The following PRR12 variants were observed in gnomAD, a reference collection of about 807,000 sequenced individuals.
PRR12 encodes proline-rich protein 12.
A neutral mutation model predicts 138.0 loss-of-function variants in PRR12; 12 were observed. That is an observed-to-expected ratio of 0.09 (90% CI 0.06 to 0.14). The LOEUF is 0.14. Ranked by LOEUF, PRR12 falls within the 10% of genes least tolerant of loss-of-function variation. The pLI is 1.00. For missense variants in PRR12, 2,692 were observed against 2,861.3 expected (o/e 0.94, Z 1.35); for synonymous variants, 1,567 against 1,291.7 (o/e 1.21, Z -4.57).
chr19:49,601,434 G>A, intron 5 of PRR12, 57 bp from the exon 6 acceptor site: 1 of 969,986 alleles, frequency 1.0e-6, no homozygotes, highest in Non-Finnish European at 1.5e-6. Context: ...AAGGACAAGA[G>A]GAAAGGTGCC....
Position 49,594,321 on chromosome 19 carries a change from T to C in PRR12, c.200-133T>C. On this transcript the variant is annotated intron_variant, in intron 2 of 13. Transcript: ENST00000418929. This position sits in a 1 kb window ranked among gnomAD's most constrained non-coding sequence, Gnocchi z 5.6. The stretch of plus-strand genomic sequence containing the variant: ...CATTAGCTTGGTTCTATCCATCTTG[T>C]TTTTGAATTTGCCCTTTTCTCTCCC... The C allele has an allele frequency of 1.3e-6, 1 of 776,798 alleles. No homozygotes were observed. Among genetic ancestry groups the C allele is most frequent in the Non-Finnish European group, 2.0e-6 (1 of 499,160 alleles). The allele number at this position is 776,798 out of a possible 1,614,324, so 48.1% of individuals were successfully genotyped here. A position where few individuals can be genotyped will look rare whatever the true frequency, so the allele number is the denominator to read the frequency against.
Position 49,625,216 on chromosome 19 carries a change from A to T in PRR12, c.5964+16A>T, listed in dbSNP as rs376653804. The T allele has an allele frequency of 2.7e-5, 44 of 1,607,528 alleles. No homozygotes were observed. The African/African-American group carries it at 5.5e-4, about 20-fold the overall frequency. On this transcript the variant is annotated intron_variant, in intron 13 of 13. Transcript: ENST00000418929. The surrounding 1 kb of genome is among the most constrained non-coding windows in gnomAD (Gnocchi z 5.5). The stretch of plus-strand genomic sequence containing the variant: ...CCGGGACCAGGTGAGCCCCACCCAC[A>T]GCACCCATCGCCCTGGGATTCCAAC...
At chr19:49,592,895 C>T (rs984366653) in intron 1 of PRR12, among the ~76,000 whole-genome samples, 1 of 150,188 alleles carries the variant, frequency 6.7e-6, no homozygotes, top group Non-Finnish European at 1.5e-5. Flanking sequence ...TATGTGTTCC[C>T]GTGTGTCTAC....
At chr19:49,612,102 G>A (rs2122347389) in intron 6 of PRR12, among the ~76,000 whole-genome samples, 1 of 151,830 alleles carries the variant, frequency 6.6e-6, no homozygotes, top group South Asian at 2.1e-4. Context: ...GTGGTGGCAT[G>A]TGCCTCTAGT....
At position 49,596,173 on chromosome 19, in the gene PRR12, G is replaced by T; in HGVS notation, c.1838G>T (p.Gly613Val). ...PGAGSYAAGA[G>V]GYKGKGDGSE... ...GCTGGCAGCTATGCAGCCGGAGCAG[G>T]TGGCTACAAGGGCAAGGGGGATGGC... is the stretch of plus-strand genomic sequence containing the variant. Residue 613 changes from glycine (G) to valine (V), a missense_variant, in exon 4 of 14, where the codon GGT becomes GTT. By Grantham distance (109) the Gly-to-Val change is moderately radical. Coordinates refer to ENST00000418929, the MANE Select transcript of PRR12 (RefSeq NM_020719.3). This position sits in a 1 kb window ranked among gnomAD's most constrained non-coding sequence, Gnocchi z 5.6. 6.2e-7 allele frequency: 1 copy of T among 1,609,548 alleles called. No individual in the cohort carries two copies. The highest frequency in any genetic ancestry group is 8.5e-7 in the Non-Finnish European group (1 of 1,179,782).
rs1008803804 is a variant in PRR12 at position 49,624,764 on chromosome 19, C to T, written c.5722-80C>T. 9.7e-6 allele frequency: 15 copies of T among 1,547,722 alleles called. No homozygotes were observed. In the East Asian group the frequency reaches 3.4e-4, roughly 35 times the overall value. On this transcript the variant is annotated intron_variant, in intron 11 of 13. Transcript: ENST00000418929. ...ATCTGCAGCCTGGGGGAAACTGAGG[C>T]ACAGATCTGAGACCTGGCTGTTGGG...
chr19:49,617,234 G>GT (rs1214613841), intron 9 of PRR12, among the ~76,000 whole-genome samples: 4 of 152,074 alleles, frequency 2.6e-5, no homozygotes, highest in Non-Finnish European at 5.9e-5. Flanking sequence ...TTTGTTGAGT[G>GT]TTTACTATGT....
chr19:49,597,189 G>A lies in PRR12; in HGVS notation c.2854G>A (p.Glu952Lys). 1 of 1,556,982 alleles carries A rather than the reference G, an allele frequency of 6.4e-7. No homozygotes were observed. Among genetic ancestry groups the A allele is most frequent in the Non-Finnish European group, 8.7e-7 (1 of 1,150,504 alleles). ...GCGCAGCTTCTTCCCCACCATGGAG[G>A]AGATGTTCGGTGGAGGGGCCGCGGA... ...EERSFFPTME[E>K]MFGGGAADDY... The change falls in exon 4 of 14, where the codon GAG (glutamate) becomes AAG (lysine). Residue 952 changes from glutamate to lysine, a missense_variant. By Grantham distance (56) the Glu-to-Lys change is moderately conservative. Around this residue, in one of 11 missense-constraint regions of PRR12, gnomAD observed 840 missense variants for 689.8 expected, o/e 1.22. Transcript: ENST00000418929. The surrounding 1 kb of genome is among the most constrained non-coding windows in gnomAD (Gnocchi z 6.3).
chr19:49,609,550 G>A (rs1428321530), intron 6 of PRR12, among the ~76,000 whole-genome samples: 4 of 149,580 alleles, frequency 2.7e-5, no homozygotes, highest in Non-Finnish European at 5.9e-5. Context: ...TCAGTGAGCC[G>A]AGATCATGCT....
In PRR12 at chr19:49,596,913, G is replaced by C. The variant is rs1399258673; in HGVS notation, c.2578G>C (p.Glu860Gln). The C allele has an allele frequency of 6.4e-7, 1 of 1,552,130 alleles. No individual in the cohort carries two copies. The highest frequency in any genetic ancestry group is 1.9e-5 in the Admixed American group (1 of 52,482). The change falls in exon 4 of 14, where the codon GAG becomes CAG. Residue 860 changes from glutamate to glutamine, a missense_variant. Physicochemically the swap from Glu to Gln is conservative, Grantham distance 29. Around this residue, in one of 11 missense-constraint regions of PRR12, gnomAD observed 840 missense variants for 689.8 expected, o/e 1.22. Coordinates refer to ENST00000418929, the MANE Select transcript of PRR12 (RefSeq NM_020719.3). This position sits in a 1 kb window ranked among gnomAD's most constrained non-coding sequence, Gnocchi z 5.6. ...GGCCCACCTCCGCAGCCATGGCCTG[G>C]AGCCCGCGGCCCCCAGCCCCCGCCT... Reference protein sequence around the residue: ...LEAHLRSHGLEPAAPSPRLRP... With the variant: ...LEAHLRSHGLQPAAPSPRLRP...
Position 49,625,441 on chromosome 19 carries a change from GC to G in PRR12, c.5965-18del. On this transcript the variant is annotated intron_variant, in intron 13 of 13. Coordinates refer to ENST00000418929, the MANE Select transcript of PRR12 (RefSeq NM_020719.3). The surrounding 1 kb of genome is among the most constrained non-coding windows in gnomAD (Gnocchi z 5.5). ...AGGCCGGTGTGCCACCCTCCCCAGT[GC>G]CATGTTTGACCCCTGCAGACCCTGG... The G allele has an allele frequency of 6.3e-7, 1 of 1,580,108 alleles. No individual in the cohort carries two copies. Among genetic ancestry groups the G allele is most frequent in the Non-Finnish European group, 8.6e-7 (1 of 1,168,094 alleles).
chr19:49,597,056 G>A lies in PRR12; in HGVS notation c.2721G>A (p.Lys907=). 6.4e-7 allele frequency: 1 copy of A among 1,553,372 alleles called. No individual in the cohort carries two copies. The highest frequency in any genetic ancestry group is 8.7e-7 in the Non-Finnish European group (1 of 1,149,380). Residue 907 remains lysine, a synonymous_variant, in exon 4 of 14, where the codon AAG becomes AAA. Transcript: ENST00000418929. This position sits in a 1 kb window ranked among gnomAD's most constrained non-coding sequence, Gnocchi z 6.3. ...TAGGCCCACCAAACTCGGAGGGCAA[G>A]GATCCCGCAGGCGCCTACCGCAGCC... ...TGVGPPNSEG[K]DPAGAYRSPS...
chr19:49,601,521 C>T lies in PRR12; in HGVS notation c.4376C>T (p.Pro1459Leu). 2 of 1,529,382 alleles carry T rather than the reference C, an allele frequency of 1.3e-6. No individual in the cohort carries two copies. The highest frequency in any genetic ancestry group is 1.8e-6 in the Non-Finnish European group (2 of 1,130,244). The allele number at this position is 1,529,382 out of a possible 1,614,324, so 94.7% of individuals were successfully genotyped here. A position where few individuals can be genotyped will look rare whatever the true frequency, so the allele number is the denominator to read the frequency against. Residue 1459 changes from proline (P) to leucine (L), a missense_variant, in exon 6 of 14, where the codon CCC (proline) becomes CTC (leucine). Pro to Leu is a moderately conservative substitution (Grantham distance 98). Coordinates refer to ENST00000418929, the MANE Select transcript of PRR12 (RefSeq NM_020719.3). The stretch of plus-strand genomic sequence containing the variant: ...CCGCTGCTGGAGGAGAAACCCCCAC[C>T]CACTCCACCTCCTGCCCCGACTCCT... ...EPPLLEEKPP[P>L]TPPPAPTPQP...
Position 49,591,599 on chromosome 19 carries a change from G to GCCCCCCCCCCCCCC in PRR12, c.-51_-50insCCCCCCCCCCCCCC. On this transcript the variant is annotated 5_prime_UTR_variant, in exon 1 of 14. Coordinates refer to ENST00000418929, the MANE Select transcript of PRR12 (RefSeq NM_020719.3). ...CGGCGGCGGAGGAGAGCGCGCGCGC[G>GCCCCCCCCCCCCCC]CCCCCTCCCTCCCTCCCTCCCTCCC... is the stretch of plus-strand genomic sequence containing the variant. 2.4e-6 allele frequency: 1 copy of GCCCCCCCCCCCCCC among 416,636 alleles called. No individual in the cohort carries two copies. The highest frequency in any genetic ancestry group is 4.5e-6 in the Non-Finnish European group (1 of 224,334). 25.8% of individuals were successfully genotyped at this position (416,636 alleles called of 1,614,324 possible).
At chr19:49,609,724 G>A (rs1047186615) in intron 6 of PRR12, among the ~76,000 whole-genome samples, 2 of 152,172 alleles carry the variant, frequency 1.3e-5, no homozygotes. Flanking sequence ...AGGTGTACAG[G>A]GATGCAAGGT....
At position 49,625,521 on chromosome 19, in the gene PRR12, A is replaced by G; in HGVS notation, c.6025A>G (p.Met2009Val). 6.2e-7 allele frequency: 1 copy of G among 1,612,200 alleles called. No homozygotes were observed. The highest frequency in any genetic ancestry group is 8.5e-7 in the Non-Finnish European group (1 of 1,179,302). Residue 2009 changes from methionine to valine, a missense_variant, in exon 14 of 14, where the codon ATG (methionine) becomes GTG (valine). Coordinates refer to ENST00000418929, the MANE Select transcript of PRR12 (RefSeq NM_020719.3). The surrounding 1 kb of genome is among the most constrained non-coding windows in gnomAD (Gnocchi z 5.5). The part of the protein sequence containing the change: ...LGQEEVVQQC[M>V]RNQPWLEQLF... The stretch of plus-strand genomic sequence containing the variant: ...CCAGGAGGAGGTGGTCCAGCAGTGC[A>G]TGCGGAACCAGCCGTGGCTGGAACA...
intron 5 of PRR12, among the ~76,000 whole-genome samples, chr19:49,601,189 G>A (rs1173700392): frequency 6.6e-6 from 1 of 152,114 alleles, no homozygotes; most frequent in Non-Finnish European, 1.5e-5. Flanking sequence ...TTAGGGAGGT[G>A]ATGATTTAGG....
intron 5 of PRR12, 67 bp from the exon 6 acceptor site, chr19:49,601,424 A>G (rs1001686280): frequency 1.5e-5 from 13 of 894,800 alleles, no homozygotes; most frequent in Admixed American, 2.6e-5. Context: ...GCAGTGTTTA[A>G]AGGACAAGAG....
chr19:49,625,260 G>T lies in PRR12; in HGVS notation c.5964+60G>T. The T allele has an allele frequency of 6.4e-7, 1 of 1,558,750 alleles. No individual in the cohort carries two copies. On this transcript the variant is annotated intron_variant, in intron 13 of 13. Coordinates refer to ENST00000418929, the MANE Select transcript of PRR12 (RefSeq NM_020719.3). The surrounding 1 kb of genome is among the most constrained non-coding windows in gnomAD (Gnocchi z 5.5). ...TTCCAACCTTTCTGACTTCCTCTTGGGATCTGAGGGTCCAAGCCCAGCCCC... is the reference window on the plus strand; with the variant it reads ...TTCCAACCTTTCTGACTTCCTCTTGTGATCTGAGGGTCCAAGCCCAGCCCC...
Sources: gnomAD v4.1 joint callset for allele counts (sites outside exome capture counted in the v4.1 genomes callset) on GRCh38, gnomAD v4.1.1 for gene constraint, gnomAD v4.1.1 regional missense constraint, Gnocchi (gnomAD v3.1) non-coding constraint, MANE v1.5 for transcripts, NCBI Gene and HGNC (gene_info 2026-07-23, HGNC 2026-07-21) for gene names.